NCKAP1: variants seen among roughly 807,000 people sequenced by gnomAD.
NCKAP1 encodes the protein NCK associated protein 1.
A neutral mutation model predicts 151.2 loss-of-function variants in NCKAP1; 21 were observed. The ratio of observed to expected loss-of-function variants is 0.14; its 90% CI spans 0.10 to 0.20. The LOEUF is 0.20. Among genes scored for constraint, NCKAP1 ranks in the 10% least tolerant of loss-of-function variants. The pLI is 1.00. For missense variants in NCKAP1, 933 were observed against 1,352.1 expected (o/e 0.69, Z 4.86); for synonymous variants, 484 against 451.8 (o/e 1.07, Z -0.90).
intron 9 of NCKAP1, among the ~76,000 whole-genome samples, chr2:182,988,753 G>A (rs1698107523): frequency 2.0e-5 from 3 of 151,964 alleles, no homozygotes; most frequent in Non-Finnish European, 4.4e-5. Context: ...AATCATATAT[G>A]ACTTGCAAAA....
intron 1 of NCKAP1, among the ~76,000 whole-genome samples, chr2:183,027,869 T>C (rs1252482403): frequency 6.6e-6 from 1 of 152,220 alleles, no homozygotes; most frequent in African/African-American, 2.4e-5. Context: ...CAGCCTGCTA[T>C]TGGTATACTT....
Position 182,920,197 on chromosome 2 carries a change from C to T in NCKAP1, c.*5505G>A, listed in dbSNP as rs1041422348. The T allele has an allele frequency of 2.6e-5, 4 of 152,230 alleles. No individual in the cohort carries two copies. Among genetic ancestry groups the T allele is most frequent in the African/African-American group, 9.7e-5 (4 of 41,408 alleles). 9.4% of individuals were successfully genotyped at this position (152,230 alleles called of 1,614,324 possible). A position where few individuals can be genotyped will look rare whatever the true frequency, so the allele number is the denominator to read the frequency against. ...ACATATTGCCCAGGCTGCTCTCGAA[C>T]TTCTAGGCTCAAATGATACCTCTGG... On this transcript the variant is annotated 3_prime_UTR_variant, in exon 31 of 31. Transcript: ENST00000361354.
At chr2:182,979,588 G>T (rs1697897608) in intron 13 of NCKAP1, among the ~76,000 whole-genome samples, 1 of 151,976 alleles carries the variant, frequency 6.6e-6, no homozygotes, top group African/African-American at 2.4e-5. Context: ...TAAAAATCAT[G>T]AAAATGGTAA....
chr2:182,971,731 C>T lies in NCKAP1; in HGVS notation c.1483-4370G>A, dbSNP rs956230435. ...AAAGCAGATACAAATATCAATGAAA[C>T]GGAACACAGAACCCAGAAATAAATC... On this transcript the variant is annotated intron_variant, in intron 15 of 30. Transcript: ENST00000361354. Among the ~76,000 whole-genome samples the T allele has an allele frequency of 7.2e-5, 11 of 151,976 alleles. No individual in the cohort carries two copies. The East Asian group carries it at 7.7e-4, about 11-fold the overall frequency.
At chr2:182,973,553 C>A (rs571177168) in intron 15 of NCKAP1, among the ~76,000 whole-genome samples, 2 of 152,172 alleles carry the variant, frequency 1.3e-5, no homozygotes, top group East Asian at 3.9e-4. Context: ...TAGAACCAAA[C>A]TAAATAGGAC....
intron 2 of NCKAP1, among the ~76,000 whole-genome samples, chr2:183,005,540 C>T (rs1348245080): frequency 6.6e-6 from 1 of 152,022 alleles, no homozygotes; most frequent in Non-Finnish European, 1.5e-5. Context: ...TCTACATGCC[C>T]ATCATCTCCC....
rs1575070970 is a variant in NCKAP1 at position 183,024,048 on chromosome 2, G to C, written c.109-132C>G. 7.5e-6 allele frequency: 5 copies of C among 664,034 alleles called. No homozygotes were observed. In the East Asian group the frequency reaches 1.3e-4, roughly 18 times the overall value. 41.1% of individuals were successfully genotyped at this position (664,034 alleles called of 1,614,324 possible). ...GCAGGTGATAAAATGAATAGGCAAAGTGCAGGGATTGTCACAGCTGAAATA... is the reference window on the plus strand; with the variant it reads ...GCAGGTGATAAAATGAATAGGCAAACTGCAGGGATTGTCACAGCTGAAATA... On this transcript the variant is annotated intron_variant, in intron 1 of 30. Transcript: ENST00000361354.
chr2:182,979,072 C>T (rs1316020409), intron 13 of NCKAP1, among the ~76,000 whole-genome samples, 157 bp from the exon 14 acceptor site: 7 of 151,900 alleles, frequency 4.6e-5, no homozygotes, highest in South Asian at 2.1e-4. Context: ...CACCATAACA[C>T]GAATCTCAAA....
intron 1 of NCKAP1, among the ~76,000 whole-genome samples, chr2:183,031,294 G>A (rs1698999563): frequency 6.6e-6 from 1 of 152,168 alleles, no homozygotes; most frequent in Non-Finnish European, 1.5e-5. Context: ...AGATATATAT[G>A]TCACTGTTGC....
At chr2:182,952,329 G>C in intron 23 of NCKAP1, 76 bp downstream of exon 23, 2 of 890,378 alleles carry the variant, frequency 2.2e-6, no homozygotes, top group South Asian at 4.0e-5. Flanking sequence ...TAACATTGTA[G>C]GCTTGTTGCT....
chr2:182,913,686 G>A lies in NCKAP1; in HGVS notation c.*12016C>T, dbSNP rs1004546822. On this transcript the variant is annotated 3_prime_UTR_variant, in exon 31 of 31. Coordinates refer to ENST00000361354, the MANE Select transcript of NCKAP1 (RefSeq NM_013436.5). ...GCAACAAAAAATGAACGAAGATAAGGACCTTCTCTGCACAGGGCCCTTTTG... is the reference window on the plus strand; with the variant it reads ...GCAACAAAAAATGAACGAAGATAAGAACCTTCTCTGCACAGGGCCCTTTTG... 1 of 152,088 alleles carries A rather than the reference G, an allele frequency of 6.6e-6. No homozygotes were observed. The highest frequency in any genetic ancestry group is 2.4e-5 in the African/African-American group (1 of 41,408). 9.4% of individuals were successfully genotyped at this position (152,088 alleles called of 1,614,324 possible). A position where few individuals can be genotyped will look rare whatever the true frequency, so the allele number is the denominator to read the frequency against.
intron 2 of NCKAP1, among the ~76,000 whole-genome samples, chr2:183,004,378 A>G (rs917468408): frequency 3.9e-5 from 6 of 151,986 alleles, no homozygotes; most frequent in Admixed American, 3.9e-4. Flanking sequence ...GCATCCATAC[A>G]TAATTGTACT....
intron 26 of NCKAP1, among the ~76,000 whole-genome samples, chr2:182,931,314 T>C (rs1696759088): frequency 1.3e-5 from 2 of 152,056 alleles, no homozygotes; most frequent in Admixed American, 6.6e-5. Context: ...CACATATAGA[T>C]TTCAAATATT....
chr2:182,974,281 A>T (rs988013657), intron 15 of NCKAP1, among the ~76,000 whole-genome samples: 1 of 149,236 alleles, frequency 6.7e-6, no homozygotes, highest in South Asian at 2.1e-4. Flanking sequence ...AAAAAAAAAA[A>T]GGGTCTGTAT....
intron 15 of NCKAP1, among the ~76,000 whole-genome samples, chr2:182,974,821 T>C (rs1697772572): frequency 6.6e-6 from 1 of 151,750 alleles, no homozygotes; most frequent in Non-Finnish European, 1.5e-5. Flanking sequence ...ATAGATTACA[T>C]GAAAAAAAAA....
rs1696569178 is a variant in NCKAP1 at position 182,922,558 on chromosome 2, T to A, written c.*3144A>T. 1 of 152,328 alleles carries A rather than the reference T, an allele frequency of 6.6e-6. No individual in the cohort carries two copies. The highest frequency in any genetic ancestry group is 1.5e-5 in the Non-Finnish European group (1 of 68,110). 9.4% of individuals were successfully genotyped at this position (152,328 alleles called of 1,614,324 possible). ...CTTGCCTTCTGGGTCTTTGCCTTTA[T>A]TATTCCTCCCCTCAGCCCACTTGTG... On this transcript the variant is annotated 3_prime_UTR_variant, in exon 31 of 31. Transcript: ENST00000361354.
chr2:182,927,836 A>G (rs771196764), intron 29 of NCKAP1, among the ~76,000 whole-genome samples: 3 of 151,982 alleles, frequency 2.0e-5, no homozygotes, highest in Non-Finnish European at 4.4e-5. Flanking sequence ...AGAGCTCTAG[A>G]GTTGGGAAAG....
At chr2:182,934,670 G>A in intron 26 of NCKAP1, 82 bp downstream of exon 26, 1 of 747,468 alleles carries the variant, frequency 1.3e-6, no homozygotes, top group Admixed American at 2.8e-5. Flanking sequence ...AGTAGTTTAG[G>A]ATTTATTACA....
chr2:182,928,080 T>C (rs1696684645), intron 29 of NCKAP1, 37 bp downstream of exon 29: 2 of 1,424,886 alleles, frequency 1.4e-6, no homozygotes, highest in South Asian at 2.5e-5. Flanking sequence ...GTTTTCTTTA[T>C]AAAATGTGAT....
Sources: gnomAD v4.1 joint callset for allele counts (sites outside exome capture counted in the v4.1 genomes callset) on GRCh38, gnomAD v4.1.1 for gene constraint, MANE v1.5 for transcripts, NCBI Gene and HGNC (gene_info 2026-07-23, HGNC 2026-07-21) for gene names.